The following CHMP4A variants were observed in gnomAD, a reference collection of about 807,000 sequenced individuals.
CHMP4A encodes the protein SNF7 homolog associated with Alix-2.
Under a neutral mutation model 28.2 loss-of-function variants are expected in CHMP4A, and 29 were observed. The observed-to-expected ratio is 1.03, with a 90% confidence interval of 0.77 to 1.40. The LOEUF (loss-of-function observed/expected upper bound fraction) is 1.40, where lower values mean the gene tolerates loss of function less well. CHMP4A is among the 40% of genes most tolerant of loss of function. The pLI is 0.00. For missense variants in CHMP4A, 241 were observed against 263.5 expected, an observed-to-expected ratio of 0.91 and a Z score of 0.59; for synonymous variants, 88 against 99.3, an observed-to-expected ratio of 0.89 and a Z score of 0.67.
intron 1 of CHMP4A, 54 bp from the exon 2 acceptor site, chr14:24,211,883 C>A (rs912781516): frequency 4.0e-6 from 6 of 1,516,952 alleles, no homozygotes; most frequent in Middle Eastern, 1.8e-4. Flanking sequence ...ATATTAGCCA[C>A]CAATCATTGA....
At chr14:24,213,216 G>A (rs1016224218) in intron 1 of CHMP4A, 193 bp downstream of exon 1, 1 of 587,704 alleles carries the variant, frequency 1.7e-6, no homozygotes, top group Non-Finnish European at 2.8e-6. Flanking sequence ...GGAACAAGGC[G>A]CCCCGACATG....
chr14:24,212,517 A>G, intron 1 of CHMP4A: 1 of 355,336 alleles, frequency 2.8e-6, no homozygotes, highest in South Asian at 2.3e-5. Flanking sequence ...CTCCCTGAGT[A>G]GCTGGGACTA....
Position 24,210,730 on chromosome 14 carries a change from G to A in CHMP4A, c.398C>T (p.Thr133Met), listed in dbSNP as rs145119541. The change falls in exon 4 of 6, where the codon ACG (threonine) becomes ATG (methionine). Residue 133 changes from threonine to methionine, a missense_variant. Coordinates refer to ENST00000347519, the MANE Select transcript of CHMP4A (RefSeq NM_014169.5). ...CTGCTGGGCCACCTCCTGTTGTTCC[G>A]TGATGTCAGTCATCAGTTCATCTAC... ...DKVDELMTDITEQQEVAQQIS... is the reference protein window; with the variant it reads ...DKVDELMTDIMEQQEVAQQIS... The A allele has an allele frequency of 2.4e-5, 39 of 1,614,066 alleles. No individual in the cohort carries two copies. Among genetic ancestry groups the A allele is most frequent in the African/African-American group, 1.1e-4 (8 of 75,008 alleles).
chr14:24,212,722 ATT>A (rs71119067), intron 1 of CHMP4A: 132 of 151,812 alleles, frequency 8.7e-4, no homozygotes, highest in South Asian at 6.0e-3. Flanking sequence ...CAACCAGCTA[ATT>A]TTTTTTTTTT....
At chr14:24,213,322 G>T in intron 1 of CHMP4A, 87 bp downstream of exon 1, 1 of 1,403,870 alleles carries the variant, frequency 7.1e-7, no homozygotes, top group South Asian at 1.6e-5. Flanking sequence ...CCTGCCCGGC[G>T]CAGCGGTCCG....
intron 1 of CHMP4A, 113 bp downstream of exon 1, chr14:24,213,296 C>G (rs2138863092): frequency 7.7e-7 from 1 of 1,296,780 alleles, no homozygotes; most frequent in South Asian, 1.7e-5. Context: ...GTCAGCCTGT[C>G]TCCTGATTCT....
intron 1 of CHMP4A, among the ~76,000 whole-genome samples, chr14:24,212,277 TACAG>T (rs2039599180): frequency 6.6e-6 from 1 of 152,000 alleles, no homozygotes; most frequent in African/African-American, 2.4e-5. Flanking sequence ...GTGTTTTTAG[TACAG>T]ACAGGCTTTC....
At chr14:24,213,327 G>T (rs1594471967) in intron 1 of CHMP4A, 82 bp downstream of exon 1, 1 of 1,420,208 alleles carries the variant, frequency 7.0e-7, no homozygotes, top group East Asian at 2.7e-5. Context: ...CCGGCGCAGC[G>T]GTCCGGCCGA....
At chr14:24,212,732 T>C (rs1301941942) in intron 1 of CHMP4A, 3 of 188,632 alleles carry the variant, frequency 1.6e-5, no homozygotes, top group African/African-American at 7.2e-5. Flanking sequence ...ATTTTTTTTT[T>C]TTTTTTGTAT....
chr14:24,212,179 C>T (rs143967186), intron 1 of CHMP4A: 4 of 183,572 alleles, frequency 2.2e-5, no homozygotes, highest in African/African-American at 4.8e-5. Context: ...CCTCAACCTC[C>T]GCCTCCTGGG....
chr14:24,213,276 G>C, intron 1 of CHMP4A, 133 bp downstream of exon 1: 1 of 1,133,026 alleles, frequency 8.8e-7, no homozygotes, highest in Non-Finnish European at 1.2e-6. Context: ...TCGGCCGCCG[G>C]GGTTTTCCAG....
rs1469657762 is a variant in CHMP4A at position 24,211,424 on chromosome 14, T to C, written c.350A>G (p.Tyr117Cys). The C allele has an allele frequency of 6.2e-7, 1 of 1,606,696 alleles. No individual in the cohort carries two copies. Among genetic ancestry groups the C allele is most frequent in the Non-Finnish European group, 8.5e-7 (1 of 1,173,940 alleles). The change falls in exon 3 of 6, where the codon TAC (tyrosine) becomes TGC (cysteine). Residue 117 changes from tyrosine to cysteine, a missense_variant. Transcript: ENST00000347519. ...CTCCCCCCGTACCCACATGTCCTGGTAGGCCTTCTTCATGCTTTGGGCAGC... is the reference window on the plus strand; with the variant it reads ...CTCCCCCCGTACCCACATGTCCTGGCAGGCCTTCTTCATGCTTTGGGCAGC... ...ELAAQSMKKA[Y>C]QDMDIDKVDE...
At position 24,210,408 on chromosome 14, in the gene CHMP4A, C is replaced by T. The variant is rs747889785; in HGVS notation, c.550G>A (p.Glu184Lys). 5 of 1,614,152 alleles carry T rather than the reference C, an allele frequency of 3.1e-6. No individual in the cohort carries two copies. The East Asian group carries it at 8.9e-5, about 29-fold the overall frequency. ...GGCAATTTGACTGAGGGTTCTTCTT[C>T]CTTGTCGCCCACATTTAACAACTCC... ...AQELLNVGDK[E>K]EEPSVKLPSV... Residue 184 changes from glutamate to lysine, a missense_variant, in exon 5 of 6, where the codon GAA becomes AAA. Coordinates refer to ENST00000347519, the MANE Select transcript of CHMP4A (RefSeq NM_014169.5).
rs76057705 is a variant in CHMP4A, at chr14:24,213,408, C to G, written c.31+1G>C. 851 of 1,600,854 alleles carry G rather than the reference C, an allele frequency of 5.3e-4. 5 individuals are homozygous for G. Among genetic ancestry groups the G allele is most frequent in the South Asian group, 1.8e-3 (158 of 89,844 alleles). On this transcript the variant is annotated splice_donor_variant, in intron 1 of 5. Coordinates refer to ENST00000347519, the MANE Select transcript of CHMP4A (RefSeq NM_014169.5). LOFTEE classifies it high-confidence loss of function. ...GGCTGGCCAGTCCCACCCTGGCTCA[C>G]CCTTCCCGAAGAGCCTGCCGAGACC...
chr14:24,209,825 TAAG>T lies in CHMP4A; in HGVS notation c.*49_*51del, dbSNP rs2138858561. 1 of 1,548,444 alleles carries T rather than the reference TAAG, an allele frequency of 6.5e-7. No homozygotes were observed. Among genetic ancestry groups the T allele is most frequent in the East Asian group, 2.2e-5 (1 of 44,604 alleles). ...CTCCTTTAGCTCAGCACTTGGCACT[TAAG>T]GAAGAAAGGACCAACAAAGGTAGCA... On this transcript the variant is annotated 3_prime_UTR_variant, in exon 6 of 6. Coordinates refer to ENST00000347519, the MANE Select transcript of CHMP4A (RefSeq NM_014169.5).
chr14:24,212,325 C>T lies in CHMP4A; in HGVS notation c.32-496G>A, dbSNP rs142073286. On this transcript the variant is annotated intron_variant, in intron 1 of 5. Coordinates refer to ENST00000347519, the MANE Select transcript of CHMP4A (RefSeq NM_014169.5). ...GGTCAGGCTGGTGTCGAACTCCCAA[C>T]CTCAGGTGATCTGCCCGCCTCGGCC... Among the ~76,000 whole-genome samples, 797 of 152,242 alleles carry T rather than the reference C, an allele frequency of 5.2e-3. 11 individuals are homozygous for T. Among genetic ancestry groups the T allele is most frequent in the African/African-American group, 0.018 (765 of 41,530 alleles).
At chr14:24,212,146 C>T (rs371245768) in intron 1 of CHMP4A, 18 of 217,342 alleles carry the variant, frequency 8.3e-5, no homozygotes, top group Admixed American at 5.8e-4. Context: ...CAGGCTGGAA[C>T]GCAATGGCGT....
intron 4 of CHMP4A, 62 bp downstream of exon 4, chr14:24,210,592 G>A (rs1390548812): frequency 1.3e-6 from 2 of 1,592,446 alleles, no homozygotes; most frequent in Non-Finnish European, 1.7e-6. Context: ...CCTCTCTTGG[G>A]TGTTCCTTCT....
In CHMP4A at chr14:24,210,429, ACTCCTGGGCCAATTC is replaced by A; in HGVS notation, c.514_528del (p.Glu172_Glu176del). The A allele has an allele frequency of 6.2e-7, 1 of 1,613,616 alleles. No homozygotes were observed. Among genetic ancestry groups the A allele is most frequent in the South Asian group, 1.1e-5 (1 of 91,058 alleles). ...TCTTCCTTGTCGCCCACATTTAACA[ACTCCTGGGCCAATTC>A]CTCCTGCTCCAGCTCCTCTAGCTCC... On this transcript the variant is annotated inframe_deletion, in exon 5 of 6. Transcript: ENST00000347519.
Sources: gnomAD v4.1 joint callset for allele counts (sites outside exome capture counted in the v4.1 genomes callset) on GRCh38, gnomAD v4.1.1 for gene constraint, MANE v1.5 for transcripts, NCBI Gene and HGNC (gene_info 2026-07-23, HGNC 2026-07-21) for gene names.